Variants in VWC2 observed in about 807,000 individuals in gnomAD.
VWC2 encodes von Willebrand factor C domain containing 2.
Under a neutral mutation model 29.8 loss-of-function variants are expected in VWC2, and 14 were observed. The observed-to-expected ratio is 0.47, with a 90% CI of 0.31 to 0.74. The LOEUF (loss-of-function observed/expected upper bound fraction) is 0.74. Among genes scored for constraint, VWC2 ranks in the 30% least tolerant of loss-of-function variants. The pLI is 0.05. For synonymous variants in VWC2, 213 were observed against 199.0 expected (o/e 1.07, Z -0.59); for missense variants, 457 against 459.8 (o/e 0.99, Z 0.05).
chr7:49,786,176 T>A (rs1788291014), intron 2 of VWC2, among the ~76,000 whole-genome samples: 1 of 152,206 alleles, frequency 6.6e-6, no homozygotes, highest in Non-Finnish European at 1.5e-5. Flanking sequence ...ATTGTTCCCA[T>A]CTTTGTGTAC....
chr7:49,863,388 T>C (rs867382389), intron 3 of VWC2, among the ~76,000 whole-genome samples: 5 of 152,222 alleles, frequency 3.3e-5, no homozygotes, highest in Admixed American at 1.3e-4. Flanking sequence ...TGTTGATCTT[T>C]ACAAAGCACC....
chr7:49,779,896 C>T (rs1055790793), intron 2 of VWC2, among the ~76,000 whole-genome samples: 1 of 152,184 alleles, frequency 6.6e-6, no homozygotes, highest in African/African-American at 2.4e-5. Context: ...CACATCTCCT[C>T]TTCTTATAAG....
chr7:49,821,167 C>T (rs1368458101), intron 3 of VWC2, among the ~76,000 whole-genome samples: 2 of 152,034 alleles, frequency 1.3e-5, no homozygotes, highest in African/African-American at 4.8e-5. Context: ...ATTTAGCCAA[C>T]TTTTAATATT....
chr7:49,789,424 C>T (rs1336189668), intron 2 of VWC2, among the ~76,000 whole-genome samples: 2 of 149,248 alleles, frequency 1.3e-5, no homozygotes, highest in African/African-American at 4.9e-5. Context: ...ACATTTCCCC[C>T]CATTGGCCAC....
At chr7:49,820,973 A>G (rs1009487193) in intron 3 of VWC2, among the ~76,000 whole-genome samples, 2 of 152,166 alleles carry the variant, frequency 1.3e-5, no homozygotes, top group Non-Finnish European at 2.9e-5. Context: ...TGCACCACCT[A>G]TGGAACTACA....
At position 49,857,009 on chromosome 7, in the gene VWC2, C is replaced by CAAAAAAAAAAAAAAAAA. The variant is rs59910243; in HGVS notation, c.826+54185_826+54201dup. 1.5e-4 allele frequency among the ~76,000 whole-genome samples: 8 copies of CAAAAAAAAAAAAAAAAA among 52,786 alleles called. No homozygotes were observed. In the Admixed American group the frequency reaches 1.5e-3, roughly 10 times the overall value. The allele number at this position is 52,786 out of a possible 152,430, so 34.6% of individuals were successfully genotyped here. ...TGGGTGACAGAGCCAGATACTGTCT[C>CAAAAAAAAAAAAAAAAA]AAAAAAAAAAAAAAAAAAAAAAAAA... On this transcript the variant is annotated intron_variant, in intron 3 of 3. Coordinates refer to ENST00000340652, the MANE Select transcript of VWC2 (RefSeq NM_198570.5).
rs568884868 is a variant in VWC2 at position 49,784,966 on chromosome 7, A to G, written c.696+8835A>G. On this transcript the variant is annotated intron_variant, in intron 2 of 3. Transcript: ENST00000340652. ...AGTTGAATCAGACCCAGATATTGGG[A>G]TGTAAAATGAGTATATTTGATATAT... Among the ~76,000 whole-genome samples the G allele has an allele frequency of 5.9e-5, 9 of 152,376 alleles. No homozygotes were observed. The South Asian group carries it at 1.9e-3, about 32-fold the overall frequency.
At chr7:49,880,129 TA>T (rs1791604319) in intron 3 of VWC2, among the ~76,000 whole-genome samples, 4 of 152,300 alleles carry the variant, frequency 2.6e-5, no homozygotes, top group African/African-American at 9.6e-5. Context: ...TTGTTTCATT[TA>T]AAAACTTTTT....
intron 3 of VWC2, among the ~76,000 whole-genome samples, chr7:49,839,813 AC>A (rs1411882596): frequency 6.6e-6 from 1 of 152,216 alleles, no homozygotes; most frequent in Non-Finnish European, 1.5e-5. Flanking sequence ...AGGAGTGAGA[AC>A]CACATGTTTC....
At chr7:49,801,509 C>A (rs978014493) in intron 2 of VWC2, among the ~76,000 whole-genome samples, 1 of 152,200 alleles carries the variant, frequency 6.6e-6, no homozygotes, top group East Asian at 1.9e-4. Context: ...GTGTGAGTGA[C>A]CATGGAGGGT....
At chr7:49,829,971 G>T (rs12718224) in intron 3 of VWC2, among the ~76,000 whole-genome samples, 2 of 151,950 alleles carry the variant, frequency 1.3e-5, no homozygotes, top group African/African-American at 4.8e-5. Context: ...TTTTTCAGTC[G>T]TACTCAGATC....
intron 3 of VWC2, among the ~76,000 whole-genome samples, chr7:49,840,937 A>G (rs1415863663): frequency 6.6e-6 from 1 of 152,192 alleles, no homozygotes; most frequent in Admixed American, 6.5e-5. Flanking sequence ...GGTTAACATG[A>G]GTGACTTGAT....
rs191992033 is a variant in VWC2 at position 49,806,748 on chromosome 7, G to T, written c.826+3908G>T. Among the ~76,000 whole-genome samples the T allele has an allele frequency of 1.2e-3, 189 of 152,070 alleles. 2 individuals are homozygous for T. The highest frequency in any genetic ancestry group is 4.3e-3 in the African/African-American group (180 of 41,500). On this transcript the variant is annotated intron_variant, in intron 3 of 3. Transcript: ENST00000340652. Reference sequence around the variant, plus strand: ...TGTGTGTGTGTGTTTGTGTGTGTGTGTGCGTGTGTGTGTGGTCATATCAAG... The same window carrying T: ...TGTGTGTGTGTGTTTGTGTGTGTGTTTGCGTGTGTGTGTGGTCATATCAAG...
At chr7:49,886,134 C>T (rs751456092) in intron 3 of VWC2, among the ~76,000 whole-genome samples, 1 of 152,180 alleles carries the variant, frequency 6.6e-6, no homozygotes, top group Non-Finnish European at 1.5e-5. Context: ...CTGGGCTGGG[C>T]AAGTACAGAT....
At chr7:49,877,481 A>AAATATACAT in intron 3 of VWC2, among the ~76,000 whole-genome samples, 1 of 12,722 alleles carries the variant, frequency 7.9e-5, no homozygotes, top group African/African-American at 2.8e-4. Context: ...AAAAAAAAAA[A>AAATATACAT]ATATATATAT....
chr7:49,888,436 A>G (rs1166538125), intron 3 of VWC2, among the ~76,000 whole-genome samples: 2 of 152,304 alleles, frequency 1.3e-5, no homozygotes, highest in East Asian at 1.9e-4. Flanking sequence ...ATTTTATTCT[A>G]TTAGTAATAT....
chr7:49,888,549 T>C (rs1217740499), intron 3 of VWC2, among the ~76,000 whole-genome samples: 1 of 152,178 alleles, frequency 6.6e-6, no homozygotes, highest in Non-Finnish European at 1.5e-5. Flanking sequence ...TCTGAGATCA[T>C]AGCAGGCCTC....
At chr7:49,778,642 G>T (rs1372241641) in intron 2 of VWC2, among the ~76,000 whole-genome samples, 4 of 152,146 alleles carry the variant, frequency 2.6e-5, no homozygotes, top group Non-Finnish European at 5.9e-5. Flanking sequence ...TTTTTTTGAA[G>T]AATGTTGAAA....
At position 49,914,992 on chromosome 7, in the gene VWC2, T is replaced by C. The variant is rs1020785508; in HGVS notation, c.*2807T>C. The C allele has an allele frequency of 4.6e-5, 7 of 152,220 alleles. No homozygotes were observed. The highest frequency in any genetic ancestry group is 8.8e-5 in the Non-Finnish European group (6 of 68,046). 9.4% of individuals were successfully genotyped at this position (152,220 alleles called of 1,614,324 possible). A position where few individuals can be genotyped will look rare whatever the true frequency, so the allele number is the denominator to read the frequency against. On this transcript the variant is annotated 3_prime_UTR_variant, in exon 4 of 4. Coordinates refer to ENST00000340652, the MANE Select transcript of VWC2 (RefSeq NM_198570.5). ...TCGTGCTTACAAATGTATTAATGAA[T>C]TTATTTCAAATTTTCAACCCATATT...
Sources: gnomAD v4.1 joint callset for allele counts (sites outside exome capture counted in the v4.1 genomes callset) on GRCh38, gnomAD v4.1.1 for gene constraint, MANE v1.5 for transcripts, NCBI Gene and HGNC (gene_info 2026-07-23, HGNC 2026-07-21) for gene names.